The following POFUT3 variants were observed in gnomAD, a reference collection of about 807,000 sequenced individuals.
POFUT3 encodes the protein protein O-fucosyltransferase 3.
the POFUT3 span, among the ~76,000 whole-genome samples, chr8:33,422,545 C>CAG: frequency 2.7e-5 from 1 of 37,130 alleles, no homozygotes; most frequent in African/African-American, 8.0e-5. Flanking sequence ...AACTCTGTCT[C>CAG]AAAAAAAAAA....
chr8:33,362,742 C>A, the POFUT3 span, among the ~76,000 whole-genome samples: 3 of 152,068 alleles, frequency 2.0e-5, no homozygotes, highest in Non-Finnish European at 4.4e-5. Context: ...ATATATGCAC[C>A]CCATACAGGA....
chr8:33,453,360 A>G, the POFUT3 span: 1 of 1,614,180 alleles, frequency 6.2e-7, no homozygotes, highest in Non-Finnish European at 8.5e-7. Flanking sequence ...TAGCTGTCCA[A>G]TTCCCATTTT....
chr8:33,419,070 G>A, the POFUT3 span, among the ~76,000 whole-genome samples: 7 of 152,154 alleles, frequency 4.6e-5, no homozygotes, highest in African/African-American at 2.4e-5. Context: ...CCAGAGGCTG[G>A]GAAGGTTGGG....
the POFUT3 span, among the ~76,000 whole-genome samples, chr8:33,340,588 A>T: frequency 2.6e-5 from 4 of 151,920 alleles, no homozygotes; most frequent in Non-Finnish European, 4.4e-5. Flanking sequence ...AAGGATGTTT[A>T]AAAAAAAGAT....
the POFUT3 span, among the ~76,000 whole-genome samples, chr8:33,340,021 G>A: frequency 3.3e-5 from 5 of 152,022 alleles, no homozygotes; most frequent in Non-Finnish European, 7.4e-5. Flanking sequence ...ATTAGTTGAA[G>A]CACATATTAC....
chr8:33,392,861 A>C, the POFUT3 span, among the ~76,000 whole-genome samples: 1 of 152,044 alleles, frequency 6.6e-6, no homozygotes, highest in East Asian at 1.9e-4. Context: ...GTGCATGCCT[A>C]TAATCCCAGC....
chr8:33,368,754 ACAAT>A, the POFUT3 span, among the ~76,000 whole-genome samples: 4 of 152,352 alleles, frequency 2.6e-5, no homozygotes, highest in East Asian at 3.9e-4. Flanking sequence ...TCCAGCTTAT[ACAAT>A]CAATCAGTGT....
At chr8:33,399,508 A>G in the POFUT3 span, among the ~76,000 whole-genome samples, 1 of 152,208 alleles carries the variant, frequency 6.6e-6, no homozygotes, top group African/African-American at 2.4e-5. Flanking sequence ...AGAGGGTAAA[A>G]GAGTGATTCC....
chr8:33,398,479 C>T, the POFUT3 span, among the ~76,000 whole-genome samples: 1 of 152,188 alleles, frequency 6.6e-6, no homozygotes, highest in Non-Finnish European at 1.5e-5. Context: ...ATAATAATCA[C>T]ATTTTCTCTT....
the POFUT3 span, among the ~76,000 whole-genome samples, chr8:33,448,544 T>C: frequency 1.3e-3 from 205 of 152,262 alleles, 1 homozygote; most frequent in African/African-American, 4.8e-3. Context: ...CACTGCAATC[T>C]TGGCACATCC....
the POFUT3 span, among the ~76,000 whole-genome samples, chr8:33,375,516 C>T: frequency 4.6e-5 from 7 of 151,964 alleles, no homozygotes; most frequent in African/African-American, 1.7e-4. Flanking sequence ...GAGAGTTAAA[C>T]AATCAACAAA....
chr8:33,429,257 C>A, the POFUT3 span, among the ~76,000 whole-genome samples: 1 of 152,268 alleles, frequency 6.6e-6, no homozygotes. Context: ...GACCCAAGGT[C>A]TTTCCATTAC....
the POFUT3 span, among the ~76,000 whole-genome samples, chr8:33,385,767 C>T: frequency 6.6e-6 from 1 of 151,862 alleles, no homozygotes; most frequent in African/African-American, 2.4e-5. Flanking sequence ...GCCTGTAATC[C>T]CAGCTTCTTA....
the POFUT3 span, among the ~76,000 whole-genome samples, chr8:33,373,790 C>G: frequency 1.3e-5 from 2 of 152,096 alleles, no homozygotes; most frequent in African/African-American, 4.8e-5. Flanking sequence ...AGTAAAAGGA[C>G]TGTTCTTGAA....
At chr8:33,310,362 T>C in the POFUT3 span, among the ~76,000 whole-genome samples, 1 of 152,198 alleles carries the variant, frequency 6.6e-6, no homozygotes, top group Non-Finnish European at 1.5e-5. Flanking sequence ...TTCTTCGTCT[T>C]GTTTCTCTGT....
At chr8:33,349,016 T>C in the POFUT3 span, among the ~76,000 whole-genome samples, 1 of 152,212 alleles carries the variant, frequency 6.6e-6, no homozygotes, top group Admixed American at 6.5e-5. Flanking sequence ...TGTATGAACT[T>C]CATCTGAGCT....
chr8:33,471,624 T>C, the POFUT3 span, among the ~76,000 whole-genome samples: 4 of 152,234 alleles, frequency 2.6e-5, no homozygotes, highest in East Asian at 3.8e-4. Context: ...TTTGTACATA[T>C]ATAAATAACA....
chr8:33,393,119 G>C, the POFUT3 span, among the ~76,000 whole-genome samples: 1 of 152,124 alleles, frequency 6.6e-6, no homozygotes. Flanking sequence ...AAAAAACTGA[G>C]TTATTTAGCT....
the POFUT3 span, among the ~76,000 whole-genome samples, chr8:33,309,376 T>TGTGTGTG: frequency 6.8e-6 from 1 of 147,236 alleles, no homozygotes; most frequent in African/African-American, 2.6e-5. Context: ...TGTGTGTGTG[T>TGTGTGTG]TTTTCTCCCC....
Sources: gnomAD v4.1 joint callset for allele counts (sites outside exome capture counted in the v4.1 genomes callset) on GRCh38, gnomAD v4.1.1 for gene constraint, MANE v1.5 for transcripts, NCBI Gene and HGNC (gene_info 2026-07-23, HGNC 2026-07-21) for gene names.